The following SLC12A7 variants were observed in gnomAD, a reference collection of about 807,000 sequenced individuals.
The protein encoded by SLC12A7 is K-Cl cotransporter 4.
SLC12A7 carries 100 observed loss-of-function variants against 120.6 expected under a neutral mutation model. The observed-to-expected ratio is 0.83, with a 90% CI of 0.71 to 0.98. The LOEUF (loss-of-function observed/expected upper bound fraction) is 0.98, where lower values mean the gene tolerates loss of function less well. Among genes scored for constraint, SLC12A7 ranks in the 50% least tolerant of loss-of-function variants. The pLI is 0.00. For synonymous variants in SLC12A7, 760 were observed against 678.0 expected, an observed-to-expected ratio of 1.12 and a Z score of -1.88; for missense variants, 1,373 against 1,548.1, an observed-to-expected ratio of 0.89 and a Z score of 1.90.
chr5:1,096,733 G>GA (rs1297842345), intron 1 of SLC12A7, among the ~76,000 whole-genome samples: 1 of 30,496 alleles, frequency 3.3e-5, no homozygotes, highest in African/African-American at 1.5e-4. Context: ...AGGAGGGAGG[G>GA]GGGAAGGGAG....
chr5:1,145,278 G>T, the SLC12A7 span, among the ~76,000 whole-genome samples: 1 of 152,280 alleles, frequency 6.6e-6, no homozygotes, highest in Admixed American at 6.5e-5. The surrounding 1 kb of genome is among the most constrained non-coding windows in gnomAD (Gnocchi z 4.4). Flanking sequence ...CCATCACACG[G>T]TCTGTGCAGT....
At chr5:1,093,076 C>A (rs1740702868) in intron 3 of SLC12A7, among the ~76,000 whole-genome samples, 1 of 152,146 alleles carries the variant, frequency 6.6e-6, no homozygotes, top group African/African-American at 2.4e-5. Context: ...GAAACAAATC[C>A]TCAGGGAATA....
At chr5:1,119,746 T>C in the SLC12A7 span, among the ~76,000 whole-genome samples, 1 of 152,210 alleles carries the variant, frequency 6.6e-6, no homozygotes, top group Non-Finnish European at 1.5e-5. Flanking sequence ...CATGTCAGGG[T>C]GCAGACCAGA....
chr5:1,115,484 C>CA (rs2150918790), upstream of SLC12A7, among the ~76,000 whole-genome samples: 1 of 152,352 alleles, frequency 6.6e-6, no homozygotes, highest in Non-Finnish European at 1.5e-5. Context: ...CGGGTCCCCC[C>CA]AGTCCACTTC....
Position 1,086,375 on chromosome 5 carries a change from C to T in SLC12A7, c.675+528G>A, listed in dbSNP as rs1052318359. On this transcript the variant is annotated intron_variant, in intron 6 of 23. Coordinates refer to ENST00000264930, the MANE Select transcript of SLC12A7 (RefSeq NM_006598.3). ...CCGTCGGCCAGAGAAGGGCGGTTCC[C>T]GTCCCCACGAGGACCAAGGAACTCA... Among the ~76,000 whole-genome samples the T allele has an allele frequency of 3.9e-5, 6 of 152,152 alleles. No homozygotes were observed. In the East Asian group the frequency reaches 5.8e-4, roughly 15 times the overall value.
rs1370363334 is a variant in SLC12A7 at position 1,065,277 on chromosome 5, G to A, written c.2437+6C>T. The A allele has an allele frequency of 6.4e-7, 1 of 1,553,748 alleles. No homozygotes were observed. Among genetic ancestry groups the A allele is most frequent in the African/African-American group, 1.4e-5 (1 of 73,462 alleles). On this transcript the variant is annotated splice_donor_region_variant and intron_variant, in intron 18 of 23. Coordinates refer to ENST00000264930, the MANE Select transcript of SLC12A7 (RefSeq NM_006598.3). ...GGGATGCCGAAGGGCCGCCAGCCAT[G>A]CCTACCCACAAAGTTCTTCCAGGAG...
At chr5:1,111,770 A>G in intron 1 of SLC12A7, 98 bp downstream of exon 1, 1 of 1,128,134 alleles carries the variant, frequency 8.9e-7, no homozygotes, top group Non-Finnish European at 1.1e-6. Context: ...CGCCTCCTGT[A>G]CCCCCGGCCC....
At chr5:1,057,375 G>A (rs572841694) in intron 22 of SLC12A7, 96 bp downstream of exon 22, 101 of 1,328,028 alleles carry the variant, frequency 7.6e-5, no homozygotes, top group Non-Finnish European at 9.5e-5. Context: ...GGGTTGCCCC[G>A]AAGCTCTTCA....
chr5:1,124,836 C>A, the SLC12A7 span, among the ~76,000 whole-genome samples: 9 of 152,174 alleles, frequency 5.9e-5, no homozygotes, highest in African/African-American at 2.2e-4. Context: ...AGAAAAGACA[C>A]CAGTGCTTGC....
chr5:1,075,982 T>C (rs1738283355), intron 14 of SLC12A7, 156 bp downstream of exon 14: 2 of 619,278 alleles, frequency 3.2e-6, no homozygotes, highest in African/African-American at 3.7e-5. Flanking sequence ...AAGGACGCGC[T>C]GGGGTCTTCA....
chr5:1,139,378 T>C, the SLC12A7 span, among the ~76,000 whole-genome samples: 21,908 of 152,254 alleles, frequency 0.14, 1,915 homozygotes, highest in Non-Finnish European at 0.18. Flanking sequence ...ATGCAGCTGG[T>C]GCTCAGCTAC....
chr5:1,125,022 T>C, the SLC12A7 span, among the ~76,000 whole-genome samples: 2 of 151,854 alleles, frequency 1.3e-5, no homozygotes, highest in East Asian at 1.9e-4. Context: ...GAAAGAAGAT[T>C]TGAACAACCC....
intron 12 of SLC12A7, among the ~76,000 whole-genome samples, chr5:1,077,439 A>G (rs1008538773): frequency 6.6e-6 from 1 of 152,226 alleles, no homozygotes; most frequent in African/African-American, 2.4e-5. Context: ...CAGAGCAGCC[A>G]CACACACTGG....
At chr5:1,134,066 C>G in the SLC12A7 span, among the ~76,000 whole-genome samples, 1 of 152,202 alleles carries the variant, frequency 6.6e-6, no homozygotes, top group African/African-American at 2.4e-5. Flanking sequence ...CTAGTACAAG[C>G]CCAGCCTCCC....
chr5:1,137,500 T>TACACCTTCCCTTCCCGTTGTCC, the SLC12A7 span, among the ~76,000 whole-genome samples: 1 of 152,164 alleles, frequency 6.6e-6, no homozygotes, highest in Non-Finnish European at 1.5e-5. Flanking sequence ...CAGCTCCAGC[T>TACACCTTCCCTTCCCGTTGTCC]ACACCTTCCC....
chr5:1,056,345 G>T (rs1411277446), intron 22 of SLC12A7, among the ~76,000 whole-genome samples: 1 of 152,174 alleles, frequency 6.6e-6, no homozygotes, highest in African/African-American at 2.4e-5. Flanking sequence ...TTAGGAAGAG[G>T]CTTCAGGCGT....
intron 1 of SLC12A7, among the ~76,000 whole-genome samples, chr5:1,098,036 C>G (rs567094068): frequency 1.3e-5 from 2 of 152,006 alleles, no homozygotes; most frequent in East Asian, 3.9e-4. Context: ...GTCAAGAGAC[C>G]CTTCGTTAAA....
intron 21 of SLC12A7, among the ~76,000 whole-genome samples, chr5:1,058,469 T>C (rs2150782488): frequency 6.6e-6 from 1 of 152,354 alleles, no homozygotes; most frequent in Non-Finnish European, 1.5e-5. Flanking sequence ...CCACTGTGGC[T>C]GGAGCCCCGC....
Position 1,086,915 on chromosome 5 carries a change from G to T in SLC12A7, c.663C>A (p.Ile221=), listed in dbSNP as rs148809420. 1.2e-6 allele frequency: 2 copies of T among 1,612,560 alleles called. No individual in the cohort carries two copies. Among genetic ancestry groups the T allele is most frequent in the African/African-American group, 1.3e-5 (1 of 74,922 alleles). The change falls in exon 6 of 24, where the codon ATC becomes ATA. Residue 221 remains isoleucine, a synonymous_variant. Coordinates refer to ENST00000264930, the MANE Select transcript of SLC12A7 (RefSeq NM_006598.3). Reference sequence around the variant, plus strand: ...GCAGCACACTTACCAGAAAAATCTCGATGGTCCCCAAAATATACATGGCCC... The same window carrying T: ...GCAGCACACTTACCAGAAAAATCTCTATGGTCCCCAAAATATACATGGCCC... ...FAGAMYILGT[I]EIFLTYISPG...
Sources: gnomAD v4.1 joint callset for allele counts (sites outside exome capture counted in the v4.1 genomes callset) on GRCh38, gnomAD v4.1.1 for gene constraint, Gnocchi (gnomAD v3.1) non-coding constraint, MANE v1.5 for transcripts, NCBI Gene and HGNC (gene_info 2026-07-23, HGNC 2026-07-21) for gene names.